Variants in MTA1 observed in about 807,000 individuals in gnomAD.
MTA1 encodes metastasis-associated protein MTA1.
MTA1 carries 15 observed loss-of-function variants against 97.0 expected under a neutral mutation model. The observed-to-expected ratio is 0.15, with a 90% confidence interval of 0.10 to 0.24. The LOEUF (loss-of-function observed/expected upper bound fraction) is 0.24, where lower values mean the gene tolerates loss of function less well. Among genes scored for constraint, MTA1 ranks in the 10% least tolerant of loss-of-function variants. The probability of loss-of-function intolerance (pLI) is 1.00; values close to 1 mark genes in which losing one functional copy is unlikely to be tolerated. For missense variants in MTA1, 709 were observed against 1,015.1 expected, an observed-to-expected ratio of 0.70 and a Z score of 4.10; for synonymous variants, 435 against 417.5, an observed-to-expected ratio of 1.04 and a Z score of -0.51.
Position 105,470,333 on chromosome 14 carries a change from G to T in MTA1, c.*118G>T. On this transcript the variant is annotated 3_prime_UTR_variant, in exon 21 of 21. Transcript: ENST00000331320. ...GCCCCACCTCCCGCCCTCACCTGCA[G>T]AGAAACGCGCTCCTTGGCGGACACT... 1.2e-6 allele frequency: 1 copy of T among 845,884 alleles called. No individual in the cohort carries two copies. The highest frequency in any genetic ancestry group is 2.1e-5 in the South Asian group (1 of 47,138). 52.4% of individuals were successfully genotyped at this position (845,884 alleles called of 1,614,324 possible). A position where few individuals can be genotyped will look rare whatever the true frequency, so the allele number is the denominator to read the frequency against.
intron 2 of MTA1, among the ~76,000 whole-genome samples, chr14:105,441,585 G>C (rs1472683723): frequency 1.3e-5 from 2 of 152,232 alleles, no homozygotes; most frequent in Non-Finnish European, 2.9e-5. Context: ...ACAAGATCAG[G>C]AGATCGAGAC....
chr14:105,434,181 C>T (rs1215089263), intron 1 of MTA1, among the ~76,000 whole-genome samples: 1 of 152,194 alleles, frequency 6.6e-6, no homozygotes, highest in East Asian at 1.9e-4. Flanking sequence ...TATGTAATAT[C>T]CTTGGTGTGG....
At chr14:105,450,448 C>T in intron 6 of MTA1, 124 bp downstream of exon 6, 2 of 1,148,326 alleles carry the variant, frequency 1.7e-6, no homozygotes, top group South Asian at 3.1e-5. Context: ...CCAGGCTGTT[C>T]TGGGGGGAAG....
intron 1 of MTA1, among the ~76,000 whole-genome samples, chr14:105,431,362 C>G (rs587732906): frequency 3.9e-5 from 6 of 152,264 alleles, no homozygotes; most frequent in African/African-American, 1.4e-4. Context: ...CTGTGCCCAG[C>G]CTACAAGCTG....
chr14:105,427,644 A>G (rs2082051583), intron 1 of MTA1, among the ~76,000 whole-genome samples: 1 of 152,238 alleles, frequency 6.6e-6, no homozygotes, highest in Non-Finnish European at 1.5e-5. Flanking sequence ...TACGGTGTTC[A>G]GTATTAGTGG....
intron 3 of MTA1, among the ~76,000 whole-genome samples, chr14:105,447,686 C>T (rs587708312): frequency 3.9e-5 from 6 of 152,272 alleles, no homozygotes; most frequent in East Asian, 3.9e-4. Flanking sequence ...CTCTGCAGGG[C>T]GTTCCTATGA....
Position 105,463,353 on chromosome 14 carries a change from G to T in MTA1, c.1017+95G>T. The T allele has an allele frequency of 6.6e-7, 1 of 1,523,542 alleles. No homozygotes were observed. The highest frequency in any genetic ancestry group is 1.7e-5 in the Admixed American group (1 of 59,460). The allele number at this position is 1,523,542 out of a possible 1,614,324, so 94.4% of individuals were successfully genotyped here. ...AGGTGGGCGTGCACTGCTGCAGCAG[G>T]AGGGGAAGGAAGACTCCTGAGTCCC... On this transcript the variant is annotated intron_variant, in intron 11 of 20. Coordinates refer to ENST00000331320, the MANE Select transcript of MTA1 (RefSeq NM_004689.4). The surrounding 1 kb of genome is among the most constrained non-coding windows in gnomAD (Gnocchi z 5.9).
Position 105,469,930 on chromosome 14 carries a change from G to T in MTA1, c.1935G>T (p.Arg645=), listed in dbSNP as rs2083764796. The stretch of plus-strand genomic sequence containing the variant: ...GGGGCTCCCTGCCCCCAGTCAAGCG[G>T]CGGCGGATGAACTGGATCGACGCCC... ...IRGGSLPPVK[R]RRMNWIDAPD... Residue 645 remains arginine, a synonymous_variant, in exon 20 of 21, where the codon CGG becomes CGT. Transcript: ENST00000331320. 1.2e-6 allele frequency: 2 copies of T among 1,612,304 alleles called. No homozygotes were observed. Among genetic ancestry groups the T allele is most frequent in the East Asian group, 4.5e-5 (2 of 44,870 alleles).
Position 105,463,671 on chromosome 14 carries a change from G to C in MTA1, c.1076+120G>C. 1 of 1,059,382 alleles carries C rather than the reference G, an allele frequency of 9.4e-7. No homozygotes were observed. Among genetic ancestry groups the C allele is most frequent in the Non-Finnish European group, 1.4e-6 (1 of 706,626 alleles). The allele number at this position is 1,059,382 out of a possible 1,614,324, so 65.6% of individuals were successfully genotyped here. On this transcript the variant is annotated intron_variant, in intron 12 of 20. Transcript: ENST00000331320. The surrounding 1 kb of genome is among the most constrained non-coding windows in gnomAD (Gnocchi z 5.9). ...AAGCTCAGAGGCTGGGAAAGTTGGG[G>C]CAGCCCCCGGGAGGGCGGCCCAGGG...
intron 10 of MTA1, among the ~76,000 whole-genome samples, chr14:105,461,390 TAG>T (rs587634174): frequency 8.5e-4 from 129 of 152,344 alleles, no homozygotes; most frequent in Admixed American, 8.4e-3. Flanking sequence ...GCAGCAGGCC[TAG>T]AGAGTCTTCA....
chr14:105,470,203 C>T lies in MTA1; in HGVS notation c.2136C>T (p.Val712=), dbSNP rs782343584. Residue 712 remains valine, a synonymous_variant, in exon 21 of 21, where the codon GTC becomes GTT. Coordinates refer to ENST00000331320, the MANE Select transcript of MTA1 (RefSeq NM_004689.4). ...PPAPVNDEPI[V]IED is the part of the protein sequence containing the mutation. Reference sequence around the variant, plus strand: ...CGCCCGTCAACGACGAGCCCATCGTCATCGAGGACTAGGGGCCGCCCCCAC... The same window carrying T: ...CGCCCGTCAACGACGAGCCCATCGTTATCGAGGACTAGGGGCCGCCCCCAC... 2.3e-5 allele frequency: 36 copies of T among 1,598,638 alleles called. No individual in the cohort carries two copies. In the East Asian group the frequency reaches 7.7e-4, roughly 34 times the overall value.
At chr14:105,433,924 T>A (rs1281559952) in intron 1 of MTA1, among the ~76,000 whole-genome samples, 1 of 151,996 alleles carries the variant, frequency 6.6e-6, no homozygotes, top group Non-Finnish European at 1.5e-5. Flanking sequence ...GCCTCCCAGG[T>A]TCAAGCGATT....
chr14:105,435,303 A>G (rs1250906773), intron 1 of MTA1, among the ~76,000 whole-genome samples: 1 of 152,126 alleles, frequency 6.6e-6, no homozygotes, highest in Non-Finnish European at 1.5e-5. Flanking sequence ...AGTTATATTT[A>G]GAGATGGCAT....
chr14:105,469,355 G>T lies in MTA1; in HGVS notation c.1814-112G>T, dbSNP rs965012632. 4.1e-6 allele frequency: 5 copies of T among 1,228,632 alleles called. No homozygotes were observed. In the Admixed American group the frequency reaches 5.3e-5, roughly 13 times the overall value. 76.1% of individuals were successfully genotyped at this position (1,228,632 alleles called of 1,614,324 possible). A position where few individuals can be genotyped will look rare whatever the true frequency, so the allele number is the denominator to read the frequency against. ...CATCCTGGGTGTGGGCTGTGGCTTG[G>T]TTGGCAGATGGCCCCGGCCCATTGT... On this transcript the variant is annotated intron_variant, in intron 18 of 20. Transcript: ENST00000331320.
chr14:105,470,160 C>G lies in MTA1; in HGVS notation c.2093C>G (p.Pro698Arg). 12 of 1,609,986 alleles carry G rather than the reference C, an allele frequency of 7.5e-6. No homozygotes were observed. The highest frequency in any genetic ancestry group is 1.0e-5 in the Non-Finnish European group (12 of 1,178,636). The stretch of plus-strand genomic sequence containing the variant: ...CTGCGCCAGAGCCAGGCCCTGCCGC[C>G]GCGGCCACCGCCACCTGCGCCCGTC... Reference protein sequence around the residue: ...IALRQSQALPPRPPPPAPVND... With the variant: ...IALRQSQALPRRPPPPAPVND... Residue 698 changes from proline to arginine, a missense_variant, in exon 21 of 21, where the codon CCG becomes CGG. Physicochemically the swap from Pro to Arg is moderately radical, Grantham distance 103. This residue lies in a region of MTA1 where 388 missense variants were observed against 421.6 expected (regional missense o/e 0.92). Transcript: ENST00000331320.
rs1354425462 is a variant in MTA1 at position 105,424,557 on chromosome 14, A to G, written c.28+4494A>G. On this transcript the variant is annotated intron_variant, in intron 1 of 20. Coordinates refer to ENST00000331320, the MANE Select transcript of MTA1 (RefSeq NM_004689.4). The surrounding 1 kb of genome is among the most constrained non-coding windows in gnomAD (Gnocchi z 4.0). The stretch of plus-strand genomic sequence containing the variant: ...GTCACCCAGGCTGGAGTGCAGTGGC[A>G]CAATCGCGGCTCACTGCAACCTCCG... Among the ~76,000 whole-genome samples, 4 of 150,656 alleles carry G rather than the reference A, an allele frequency of 2.7e-5. 1 individual carries two copies. The highest frequency in any genetic ancestry group is 2.6e-4 in the Admixed American group (4 of 15,106).
chr14:105,458,168 T>C, intron 7 of MTA1, 102 bp from the exon 8 acceptor site: 4 of 933,370 alleles, frequency 4.3e-6, no homozygotes, highest in African/African-American at 1.6e-5. Context: ...CTGCAGCCCT[T>C]CCCCCTCCCC....
chr14:105,437,658 T>C (rs1304700147), intron 1 of MTA1, among the ~76,000 whole-genome samples: 1 of 152,220 alleles, frequency 6.6e-6, no homozygotes, highest in African/African-American at 2.4e-5. Flanking sequence ...CTGGTCTTGC[T>C]GTATTTTGCT....
In MTA1 at chr14:105,450,082, A is replaced by G. The variant is rs1010264390; in HGVS notation, c.266A>G (p.Asn89Ser). 1 of 1,613,514 alleles carries G rather than the reference A, an allele frequency of 6.2e-7. No individual in the cohort carries two copies. The highest frequency in any genetic ancestry group is 8.5e-7 in the Non-Finnish European group (1 of 1,179,878). The stretch of plus-strand genomic sequence containing the variant: ...GGGGAAATAGAAGAGGAAATGGAGA[A>G]CCCGGAAATGGTGGACCTGCCCGAG... ...EEGEIEEEME[N>S]PEMVDLPEKL... Residue 89 changes from asparagine to serine, a missense_variant, in exon 5 of 21, where the codon AAC becomes AGC. Asn to Ser is a conservative substitution (Grantham distance 46). Around this residue, in one of 2 missense-constraint regions of MTA1, gnomAD observed 321 missense variants for 593.5 expected, o/e 0.54. Coordinates refer to ENST00000331320, the MANE Select transcript of MTA1 (RefSeq NM_004689.4).
Sources: allele counts gnomAD v4.1 joint callset (sites outside exome capture counted in the v4.1 genomes callset), GRCh38; gene constraint gnomAD v4.1.1; regional missense constraint gnomAD v4.1.1; non-coding constraint Gnocchi (gnomAD v3.1); transcripts MANE v1.5; gene names NCBI Gene and HGNC (gene_info 2026-07-23, HGNC 2026-07-21).